HDAC7: variants seen among roughly 807,000 people sequenced by gnomAD.
HDAC7 encodes the protein histone deacetylase 7A.
In HDAC7, 26 loss-of-function variants were observed where a neutral mutation model predicts 115.5. The ratio of observed to expected loss-of-function variants is 0.23; its 90% confidence interval spans 0.16 to 0.31. The LOEUF is 0.31. HDAC7 is among the 10% of genes least tolerant of loss of function. The pLI, the probability that HDAC7 is intolerant of heterozygous loss-of-function variation, is 1.00. For missense variants in HDAC7, 1,068 were observed against 1,329.0 expected (o/e 0.80, Z 3.05); for synonymous variants, 564 against 550.9 (o/e 1.02, Z -0.33).
chr12:47,805,760 G>A (rs1451746002), intron 1 of HDAC7, among the ~76,000 whole-genome samples: 1 of 152,192 alleles, frequency 6.6e-6, no homozygotes, highest in East Asian at 1.9e-4. Flanking sequence ...GAAAGAAGGG[G>A]CTAGGTCACA....
rs962383484 is a variant in HDAC7 at position 47,787,571 on chromosome 12, A to G, written c.2453+141T>C. 1.4e-5 allele frequency: 9 copies of G among 621,316 alleles called. No individual in the cohort carries two copies. In the East Asian group the frequency reaches 1.7e-4, roughly 11 times the overall value. 38.5% of individuals were successfully genotyped at this position (621,316 alleles called of 1,614,324 possible). On this transcript the variant is annotated intron_variant, in intron 21 of 25. Coordinates refer to ENST00000080059, the MANE Select transcript of HDAC7 (RefSeq NM_015401.5). ...TTGCATTCTTCTCTCTGTTTGTCCT[A>G]TTCTCACTGGCGTTCACCTACAATG... is the stretch of plus-strand genomic sequence containing the variant.
At position 47,793,760 on chromosome 12, in the gene HDAC7, C is replaced by T. The variant is rs563870688; in HGVS notation, c.1459-172G>A. 7.9e-5 allele frequency among the ~76,000 whole-genome samples: 12 copies of T among 152,298 alleles called. 2 individuals carry two copies. Among genetic ancestry groups the T allele is most frequent in the African/African-American group, 2.9e-4 (12 of 41,572 alleles). On this transcript the variant is annotated intron_variant, in intron 12 of 25. Coordinates refer to ENST00000080059, the MANE Select transcript of HDAC7 (RefSeq NM_015401.5). The surrounding 1 kb of genome is among the most constrained non-coding windows in gnomAD (Gnocchi z 4.5). Reference sequence around the variant, plus strand: ...CCTTTGACTCTCTAAGCCCCCTGTCCCCTGCAGCCCCCTGACAGGTTTGCA... The same window carrying T: ...CCTTTGACTCTCTAAGCCCCCTGTCTCCTGCAGCCCCCTGACAGGTTTGCA...
chr12:47,817,272 TCTTAA>T, intron 1 of HDAC7, among the ~76,000 whole-genome samples: 1 of 152,098 alleles, frequency 6.6e-6, no homozygotes, highest in Non-Finnish European at 1.5e-5. Context: ...GGAGAAGCAG[TCTTAA>T]GCAGAAACTC....
chr12:47,785,277 A>T (rs181964711), intron 24 of HDAC7, 110 bp downstream of exon 24: 4 of 864,692 alleles, frequency 4.6e-6, no homozygotes, highest in Non-Finnish European at 5.5e-6. Context: ...CCAGACCAAC[A>T]GCAGGTCACC....
At position 47,797,153 on chromosome 12, in the gene HDAC7, C is replaced by A; in HGVS notation, c.578-11G>T. 2 of 1,580,686 alleles carry A rather than the reference C, an allele frequency of 1.3e-6. No individual in the cohort carries two copies. The highest frequency in any genetic ancestry group is 8.6e-7 in the Non-Finnish European group (1 of 1,163,638). On this transcript the variant is annotated splice_polypyrimidine_tract_variant and intron_variant, in intron 6 of 25. Transcript: ENST00000080059. The surrounding 1 kb of genome is among the most constrained non-coding windows in gnomAD (Gnocchi z 5.5). ...GGTTGGGCTCAGAGACTGCAGGGAG[C>A]ACCAGCGTCACTCAGGCCCCCACCA...
Position 47,794,949 on chromosome 12 carries a change from C to T in HDAC7, c.1285-16G>A. On this transcript the variant is annotated splice_polypyrimidine_tract_variant and intron_variant, in intron 11 of 25. Transcript: ENST00000080059. ...TGGCTGACCTCTGGGGAGGGGAGAA[C>T]CTGGCTGAGAAGCCATGGTGGAGCG... The T allele has an allele frequency of 6.2e-7, 1 of 1,604,482 alleles. No homozygotes were observed. The highest frequency in any genetic ancestry group is 1.1e-5 in the South Asian group (1 of 89,346).
At chr12:47,807,735 C>A (rs1944464638) in intron 1 of HDAC7, among the ~76,000 whole-genome samples, 1 of 152,096 alleles carries the variant, frequency 6.6e-6, no homozygotes, top group Non-Finnish European at 1.5e-5. Flanking sequence ...TCTTTGGGTG[C>A]CCATGAAGAC....
Position 47,785,391 on chromosome 12 carries a change from C to A in HDAC7, c.2787G>T (p.Val929=), listed in dbSNP as rs373967377. 1.2e-6 allele frequency: 2 copies of A among 1,608,206 alleles called. No individual in the cohort carries two copies. Among genetic ancestry groups the A allele is most frequent in the Admixed American group, 1.7e-5 (1 of 58,956 alleles). ...AIRSLEAVIR[V]HSKYWGCMQR... ...GTGTCCCATCTCCACACTTACTGTGCACCCGGATCACGGCCTCCAGAGAGC... is the reference window on the plus strand; with the variant it reads ...GTGTCCCATCTCCACACTTACTGTGAACCCGGATCACGGCCTCCAGAGAGC... Residue 929 remains valine (V), a synonymous_variant, in exon 24 of 26, where the codon GTG becomes GTT. Coordinates refer to ENST00000080059, the MANE Select transcript of HDAC7 (RefSeq NM_015401.5).
chr12:47,784,289 T>C lies in HDAC7; in HGVS notation c.2792-72A>G, dbSNP rs1943030052. 3.4e-6 allele frequency: 5 copies of C among 1,479,094 alleles called. No individual in the cohort carries two copies. In the South Asian group the frequency reaches 4.0e-5, roughly 12 times the overall value. The allele number at this position is 1,479,094 out of a possible 1,614,324, so 91.6% of individuals were successfully genotyped here. A position where few individuals can be genotyped will look rare whatever the true frequency, so the allele number is the denominator to read the frequency against. ...TCCACACTGCGTCCTAGACCGGATA[T>C]TGAGGTTGGTGTCTCAGGCCCAGGG... On this transcript the variant is annotated intron_variant, in intron 24 of 25. Transcript: ENST00000080059.
At chr12:47,791,516 C>G (rs1172337092) in intron 15 of HDAC7, 70 bp downstream of exon 15, 11 of 1,535,374 alleles carry the variant, frequency 7.2e-6, no homozygotes, top group African/African-American at 1.4e-5. Flanking sequence ...GCGGGCAGAG[C>G]CGAGACAGGA....
At chr12:47,785,346 C>G (rs766845571) in intron 24 of HDAC7, 41 bp downstream of exon 24, 4 of 1,537,516 alleles carry the variant, frequency 2.6e-6, no homozygotes, top group Non-Finnish European at 3.5e-6. Context: ...CACCAAGATC[C>G]TTCAGTCTGA....
intron 18 of HDAC7, 49 bp downstream of exon 18, chr12:47,789,474 G>A: frequency 6.2e-7 from 1 of 1,601,712 alleles, no homozygotes; most frequent in Non-Finnish European, 8.6e-7. Context: ...GGAAGTTCCT[G>A]GGGGCTTGCC....
At chr12:47,791,808 A>ACCCCCCCCCC (rs1943539236) in intron 14 of HDAC7, 63 bp downstream of exon 14, 4 of 514,894 alleles carry the variant, frequency 7.8e-6, no homozygotes, top group South Asian at 6.4e-5. Flanking sequence ...AGGGCCCCCC[A>ACCCCCCCCCC]CCCCTCCCCT....
chr12:47,793,626 G>C lies in HDAC7; in HGVS notation c.1459-38C>G. The C allele has an allele frequency of 6.8e-7, 1 of 1,473,532 alleles. No homozygotes were observed. Among genetic ancestry groups the C allele is most frequent in the Non-Finnish European group, 9.1e-7 (1 of 1,093,014 alleles). The allele number at this position is 1,473,532 out of a possible 1,614,324, so 91.3% of individuals were successfully genotyped here. ...TGGGGCCTTGGTCTCCAGTGTTTCA[G>C]GGTCCTGCTCCCTCTACTTCTGCCT... On this transcript the variant is annotated intron_variant, in intron 12 of 25. Transcript: ENST00000080059. The surrounding 1 kb of genome is among the most constrained non-coding windows in gnomAD (Gnocchi z 4.5).
chr12:47,794,788 C>T lies in HDAC7; in HGVS notation c.1430G>A (p.Gly477Asp). 2 of 1,610,054 alleles carry T rather than the reference C, an allele frequency of 1.2e-6. No individual in the cohort carries two copies. Among genetic ancestry groups the T allele is most frequent in the East Asian group, 2.2e-5 (1 of 44,668 alleles). ...ELGHGQPEAR[G>D]PAPLQQHPQV... ...AGGGTGCTGCTGGAGAGGAGCGGGG[C>T]CTCTGGCCTCAGGCTGCCCATGGCC... Residue 477 changes from glycine to aspartate, a missense_variant, in exon 12 of 26, where the codon GGC becomes GAC. Physicochemically the swap from Gly to Asp is moderately conservative, Grantham distance 94. Around this residue, in one of 6 missense-constraint regions of HDAC7, gnomAD observed 618 missense variants for 701.5 expected, o/e 0.88. Transcript: ENST00000080059.
rs368823663 is a variant in HDAC7, at chr12:47,785,000, G to A, written c.2791+387C>T. 35 of 585,882 alleles carry A rather than the reference G, an allele frequency of 6.0e-5. No individual in the cohort carries two copies. In the East Asian group the frequency reaches 8.2e-4, roughly 14 times the overall value. 36.3% of individuals were successfully genotyped at this position (585,882 alleles called of 1,614,324 possible). ...ACAAATGTGGGGGTTATCCCAAGACGCAGCCCCCAAGCCAGCAGAGCTCCT... is the reference window on the plus strand; with the variant it reads ...ACAAATGTGGGGGTTATCCCAAGACACAGCCCCCAAGCCAGCAGAGCTCCT... On this transcript the variant is annotated intron_variant, in intron 24 of 25. Transcript: ENST00000080059.
rs377553359 is a variant in HDAC7, at chr12:47,818,469, C to T, written c.19+1298G>A. 3.3e-5 allele frequency among the ~76,000 whole-genome samples: 5 copies of T among 152,348 alleles called. No homozygotes were observed. The East Asian group carries it at 9.6e-4, about 29-fold the overall frequency. Reference sequence around the variant, plus strand: ...TGACTTAATAACCCATGGGTAGCGGCAGCCTAGCAGCCTATGGAGTCCTGG... The same window carrying T: ...TGACTTAATAACCCATGGGTAGCGGTAGCCTAGCAGCCTATGGAGTCCTGG... On this transcript the variant is annotated intron_variant, in intron 1 of 25. Transcript: ENST00000080059.
intron 1 of HDAC7, 57 bp from the exon 2 acceptor site, chr12:47,802,331 G>A (rs924186885): frequency 1.6e-5 from 25 of 1,583,752 alleles, no homozygotes; most frequent in Non-Finnish European, 2.1e-5. Flanking sequence ...AGAGGGAGCA[G>A]GAAGGAAAGA....
Position 47,798,655 on chromosome 12 carries a change from G to A in HDAC7, c.259-3C>T. On this transcript the variant is annotated splice_polypyrimidine_tract_variant and splice_region_variant and intron_variant, in intron 3 of 25. Transcript: ENST00000080059. This position sits in a 1 kb window ranked among gnomAD's most constrained non-coding sequence, Gnocchi z 4.3. ...GGCATCGGCGTGTCCATGGAGAGCT[G>A]TGGGCAGGGCCGGCAGCCCAGAAAG... The A allele has an allele frequency of 6.2e-7, 1 of 1,612,558 alleles. No homozygotes were observed. Among genetic ancestry groups the A allele is most frequent in the Admixed American group, 1.7e-5 (1 of 59,832 alleles).
Sources: allele counts gnomAD v4.1 joint callset (sites outside exome capture counted in the v4.1 genomes callset), GRCh38; gene constraint gnomAD v4.1.1; regional missense constraint gnomAD v4.1.1; non-coding constraint Gnocchi (gnomAD v3.1); transcripts MANE v1.5; gene names NCBI Gene and HGNC (gene_info 2026-07-23, HGNC 2026-07-21).